Variants in RASGRF1 observed in about 807,000 individuals in gnomAD.
RASGRF1 encodes the protein Ras protein specific guanine nucleotide releasing factor 1.
In RASGRF1, 40 loss-of-function variants were observed where a neutral mutation model predicts 138.7. That is an observed-to-expected ratio of 0.29 (90% CI 0.22 to 0.38). The LOEUF (loss-of-function observed/expected upper bound fraction) is 0.38, where lower values mean the gene tolerates loss of function less well. RASGRF1 is among the 10% of genes least tolerant of loss of function. RASGRF1 has a pLI of 1.00. For synonymous variants in RASGRF1, 614 were observed against 663.2 expected, an observed-to-expected ratio of 0.93 and a Z score of 1.14; for missense variants, 1,108 against 1,650.4, an observed-to-expected ratio of 0.67 and a Z score of 5.69.
At chr15:79,085,363 T>A (rs891106991) in intron 1 of RASGRF1, among the ~76,000 whole-genome samples, 2 of 152,044 alleles carry the variant, frequency 1.3e-5, no homozygotes, top group Admixed American at 1.3e-4. Flanking sequence ...GAGAGTGGGA[T>A]GGGTGGCTCT....
At chr15:79,084,492 G>T (rs2057953600) in intron 1 of RASGRF1, among the ~76,000 whole-genome samples, 1 of 152,204 alleles carries the variant, frequency 6.6e-6, no homozygotes, top group African/African-American at 2.4e-5. Context: ...GTCCCCTGCG[G>T]TGCACCTGGC....
At chr15:79,024,044 CACACACACACATACACAT>C (rs1248498779) in intron 10 of RASGRF1, among the ~76,000 whole-genome samples, 8 of 150,024 alleles carry the variant, frequency 5.3e-5, no homozygotes, top group African/African-American at 2.0e-4. Flanking sequence ...CATACAAACA[CACACACACACATACACAT>C]ACACACACAT....
chr15:78,980,477 A>G, intron 24 of RASGRF1, 143 bp downstream of exon 24: 1 of 578,586 alleles, frequency 1.7e-6, no homozygotes, highest in South Asian at 2.9e-5. Flanking sequence ...ATTGGGGTCC[A>G]GGAAATCTAG....
At chr15:79,024,390 A>G in intron 10 of RASGRF1, among the ~76,000 whole-genome samples, 1 of 151,916 alleles carries the variant, frequency 6.6e-6, no homozygotes, top group South Asian at 2.1e-4. Context: ...ATACACAAAT[A>G]CACACATCAT....
chr15:79,054,037 T>A (rs1229175829), intron 3 of RASGRF1, among the ~76,000 whole-genome samples: 2 of 152,252 alleles, frequency 1.3e-5, no homozygotes, highest in Admixed American at 1.3e-4. Flanking sequence ...TCAGCCCATT[T>A]CAAGCTACCA....
At chr15:79,058,565 T>TCACC in intron 2 of RASGRF1, 84 bp from the exon 3 acceptor site, 1 of 1,535,002 alleles carries the variant, frequency 6.5e-7, no homozygotes, top group Non-Finnish European at 8.9e-7. Context: ...GGAGAGGGGC[T>TCACC]CACCCACCCA....
intron 20 of RASGRF1, among the ~76,000 whole-genome samples, chr15:78,993,120 G>C (rs1296136777): frequency 6.9e-6 from 1 of 144,074 alleles, no homozygotes; most frequent in Admixed American, 6.9e-5. Context: ...TGGGGTGTGT[G>C]CATGTGTATG....
intron 3 of RASGRF1, among the ~76,000 whole-genome samples, chr15:79,053,543 A>G (rs968615318): frequency 1.3e-5 from 2 of 152,240 alleles, no homozygotes; most frequent in African/African-American, 2.4e-5. Flanking sequence ...TCATAGGTAG[A>G]TGTTCCCTTG....
chr15:79,053,416 C>T (rs1356173284), intron 3 of RASGRF1, among the ~76,000 whole-genome samples: 1 of 152,190 alleles, frequency 6.6e-6, no homozygotes, highest in African/African-American at 2.4e-5. Flanking sequence ...CTATGCTGCC[C>T]TTTAGGGCCT....
At chr15:79,080,700 A>G (rs2057903280) in intron 1 of RASGRF1, among the ~76,000 whole-genome samples, 1 of 152,228 alleles carries the variant, frequency 6.6e-6, no homozygotes, top group African/African-American at 2.4e-5. Context: ...TCAACTAGGA[A>G]GTATCTTTTG....
chr15:78,976,319 G>A (rs1337073850), intron 24 of RASGRF1, among the ~76,000 whole-genome samples: 1 of 152,072 alleles, frequency 6.6e-6, no homozygotes, highest in Non-Finnish European at 1.5e-5. Flanking sequence ...CGCTTCCCTG[G>A]CCGCATTGGA....
At chr15:78,990,519 A>C (rs2056247503) in intron 21 of RASGRF1, among the ~76,000 whole-genome samples, 1 of 152,214 alleles carries the variant, frequency 6.6e-6, no homozygotes, top group African/African-American at 2.4e-5. Context: ...TAAAATGGGA[A>C]TCAAGACAAT....
At position 79,065,952 on chromosome 15, in the gene RASGRF1, GGAGA is replaced by G. The variant is rs549515018; in HGVS notation, c.277-1430_277-1427del. ...GTATGGCAGGAGAGAGAGAGAGAGA[GGAGA>G]GAGAGAGTGAGTTGTTACAGAGTCA... On this transcript the variant is annotated intron_variant, in intron 1 of 26. Transcript: ENST00000558480. 8.0e-4 allele frequency among the ~76,000 whole-genome samples: 122 copies of G among 151,652 alleles called. 1 individual carries two copies. The highest frequency in any genetic ancestry group is 5.0e-3 in the South Asian group (24 of 4,760).
Position 79,050,060 on chromosome 15 carries a change from A to G in RASGRF1, c.532-472T>C, listed in dbSNP as rs1317852341. Among the ~76,000 whole-genome samples the G allele has an allele frequency of 6.6e-6, 1 of 152,218 alleles. No homozygotes were observed. Among genetic ancestry groups the G allele is most frequent in the African/African-American group, 2.4e-5 (1 of 41,450 alleles). ...GGTATGGTTCAGTGGCATTAAGGAC[A>G]TTCACATTGTTGTGCAACCATCACC... On this transcript the variant is annotated intron_variant, in intron 3 of 26. Transcript: ENST00000558480. The surrounding 1 kb of genome is among the most constrained non-coding windows in gnomAD (Gnocchi z 4.1).
intron 13 of RASGRF1, among the ~76,000 whole-genome samples, chr15:79,008,521 GAGA>G (rs2056731108): frequency 6.6e-6 from 1 of 152,216 alleles, no homozygotes; most frequent in Non-Finnish European, 1.5e-5. Flanking sequence ...ATGGGACCTT[GAGA>G]AGCAACCATG....
In RASGRF1 at chr15:78,978,818, T is replaced by C. The variant is rs1224429077; in HGVS notation, c.3494+1802A>G. On this transcript the variant is annotated intron_variant, in intron 24 of 26. Coordinates refer to ENST00000558480, the MANE Select transcript of RASGRF1 (RefSeq NM_001145648.3). ...CCCTCCTCTGTGTGCCCTGCCTATG[T>C]CTCTGCAAGTCCAGAACCTGGTTTG... 2.4e-5 allele frequency: 28 copies of C among 1,169,718 alleles called. No homozygotes were observed. The Admixed American group carries it at 9.1e-4, about 38-fold the overall frequency. The allele number at this position is 1,169,718 out of a possible 1,614,324, so 72.5% of individuals were successfully genotyped here.
intron 2 of RASGRF1, among the ~76,000 whole-genome samples, chr15:79,059,272 CCCTA>C (rs2057557711): frequency 8.7e-6 from 1 of 115,220 alleles, no homozygotes; most frequent in Non-Finnish European, 1.8e-5. Flanking sequence ...CCCTTCCCTT[CCCTA>C]TCCTTCCCTT....
rs192851872 is a variant in RASGRF1 at position 78,995,814 on chromosome 15, A to G, written c.2967-14T>C. On this transcript the variant is annotated splice_polypyrimidine_tract_variant and intron_variant, in intron 19 of 26. Transcript: ENST00000558480. The stretch of plus-strand genomic sequence containing the variant: ...TGGGTCAGAGTCCTAGGCAGGAGCG[A>G]GAAGGCACGGTGAGCCCCACTTCAC... The G allele has an allele frequency of 1.0e-3, 1,635 of 1,614,050 alleles. 2 individuals are homozygous for G. The highest frequency in any genetic ancestry group is 1.3e-3 in the Non-Finnish European group (1,518 of 1,179,990).
intron 3 of RASGRF1, among the ~76,000 whole-genome samples, chr15:79,055,496 A>G (rs1423720509): frequency 6.6e-6 from 1 of 152,108 alleles, no homozygotes; most frequent in Non-Finnish European, 1.5e-5. Flanking sequence ...CTTTAAAAAT[A>G]TCTTGCCCTA....
Sources: gnomAD v4.1 joint callset for allele counts (sites outside exome capture counted in the v4.1 genomes callset) on GRCh38, gnomAD v4.1.1 for gene constraint, Gnocchi (gnomAD v3.1) non-coding constraint, MANE v1.5 for transcripts, NCBI Gene and HGNC (gene_info 2026-07-23, HGNC 2026-07-21) for gene names.